The following SPECC1 variants were observed in gnomAD, a reference collection of about 807,000 sequenced individuals.
The protein encoded by SPECC1 is sperm antigen with calponin homology and coiled-coil domains 1.
In SPECC1, 62 loss-of-function variants were observed where a neutral mutation model predicts 104.1. That is an observed-to-expected ratio of 0.60 (90% CI 0.49 to 0.74). SPECC1 has a LOEUF of 0.74. Ranked by LOEUF, SPECC1 falls within the 30% of genes least tolerant of loss-of-function variation. The probability of loss-of-function intolerance (pLI) is 0.00; values close to 1 mark genes in which losing one functional copy is unlikely to be tolerated. For synonymous variants in SPECC1, 513 were observed against 501.6 expected (o/e 1.02, Z -0.30); for missense variants, 1,306 against 1,310.5 (o/e 1.00, Z 0.05).
chr17:20,099,753 G>C (rs751340626), intron 2 of SPECC1, among the ~76,000 whole-genome samples: 1 of 140,864 alleles, frequency 7.1e-6, no homozygotes, highest in Non-Finnish European at 1.5e-5. Context: ...GCCGGAAGAA[G>C]CATAGGAATG....
intron 2 of SPECC1, among the ~76,000 whole-genome samples, chr17:20,103,647 TC>T (rs34416922): frequency 3.3e-5 from 5 of 152,104 alleles, no homozygotes. Context: ...CTGCCGATCT[TC>T]CCTTCCCTCT....
chr17:20,201,414 AGAG>A (rs1244702063), intron 3 of SPECC1, among the ~76,000 whole-genome samples: 1 of 152,160 alleles, frequency 6.6e-6, no homozygotes, highest in Admixed American at 6.5e-5. Context: ...CTTTGGAGGC[AGAG>A]GTTGCAGTGA....
At position 20,253,602 on chromosome 17, in the gene SPECC1, A is replaced by G. The variant is rs1423862313; in HGVS notation, c.2680+16A>G. Reference sequence around the variant, plus strand: ...CCCCTCTCAGGTAAATTATGTCAACATAAAGAACTTTTGACTTATCTTTCC... The same window carrying G: ...CCCCTCTCAGGTAAATTATGTCAACGTAAAGAACTTTTGACTTATCTTTCC... On this transcript the variant is annotated intron_variant, in intron 10 of 14. Coordinates refer to ENST00000395527, the MANE Select transcript of SPECC1 (RefSeq NM_001243439.2). 1.9e-6 allele frequency: 3 copies of G among 1,612,734 alleles called. No homozygotes were observed. The highest frequency in any genetic ancestry group is 1.7e-5 in the Admixed American group (1 of 59,930).
chr17:20,262,280 C>T (rs1419756630), intron 12 of SPECC1, among the ~76,000 whole-genome samples: 2 of 152,140 alleles, frequency 1.3e-5, no homozygotes, highest in African/African-American at 4.8e-5. Flanking sequence ...GTGCGTATTT[C>T]CTGAAAAACA....
At chr17:20,113,402 C>A (rs1319949003) in intron 3 of SPECC1, among the ~76,000 whole-genome samples, 1 of 151,912 alleles carries the variant, frequency 6.6e-6, no homozygotes, top group Non-Finnish European at 1.5e-5. Context: ...ATACTAGATG[C>A]AGTATGGATA....
chr17:20,172,172 C>T (rs1009417928), intron 3 of SPECC1, among the ~76,000 whole-genome samples: 6 of 152,122 alleles, frequency 3.9e-5, no homozygotes, highest in Non-Finnish European at 8.8e-5. Context: ...GTGTGTGGGC[C>T]TCCTTTCTGT....
At chr17:20,137,784 G>GC (rs2030194120) in intron 3 of SPECC1, among the ~76,000 whole-genome samples, 1 of 151,752 alleles carries the variant, frequency 6.6e-6, no homozygotes, top group African/African-American at 2.4e-5. Context: ...TCATACCTCA[G>GC]CCTCCTGAGT....
intron 3 of SPECC1, among the ~76,000 whole-genome samples, chr17:20,176,066 C>T (rs2034452725): frequency 1.3e-5 from 2 of 152,158 alleles, no homozygotes. Flanking sequence ...TTTCTTCATG[C>T]TTTCTGGAGC....
At chr17:20,215,121 C>T (rs541286842) in intron 4 of SPECC1, among the ~76,000 whole-genome samples, 13 of 152,244 alleles carry the variant, frequency 8.5e-5, no homozygotes, top group Non-Finnish European at 1.8e-4. Flanking sequence ...AAGAGTCCTC[C>T]AAGGCCGGGG....
At chr17:20,055,179 C>T (rs945015535) in intron 1 of SPECC1, among the ~76,000 whole-genome samples, 3 of 151,968 alleles carry the variant, frequency 2.0e-5, no homozygotes, top group African/African-American at 7.2e-5. Context: ...TGGAGTCGTG[C>T]AGTATTTGTC....
intron 1 of SPECC1, among the ~76,000 whole-genome samples, chr17:20,089,650 A>G (rs1040909177): frequency 6.6e-6 from 1 of 152,144 alleles, no homozygotes; most frequent in Non-Finnish European, 1.5e-5. Flanking sequence ...AGTAAATAAG[A>G]TAAAATGCAG....
At chr17:20,105,414 A>T (rs2048150112) in intron 2 of SPECC1, among the ~76,000 whole-genome samples, 1 of 152,178 alleles carries the variant, frequency 6.6e-6, no homozygotes. Flanking sequence ...TCATATAGGT[A>T]GGAAGAAGGA....
chr17:20,178,095 A>G (rs2034601310), intron 3 of SPECC1, among the ~76,000 whole-genome samples: 1 of 151,768 alleles, frequency 6.6e-6, no homozygotes, highest in Admixed American at 6.6e-5. Flanking sequence ...ATCACTGCTC[A>G]CTGCAGCCTT....
chr17:20,291,356 A>G (rs1394310318), intron 12 of SPECC1, among the ~76,000 whole-genome samples: 1 of 152,192 alleles, frequency 6.6e-6, no homozygotes, highest in Non-Finnish European at 1.5e-5. Flanking sequence ...TGCAAATGGG[A>G]CATGTGCTTC....
intron 3 of SPECC1, among the ~76,000 whole-genome samples, chr17:20,122,660 G>A (rs1403853136): frequency 6.6e-6 from 1 of 151,950 alleles, no homozygotes; most frequent in Non-Finnish European, 1.5e-5. Flanking sequence ...TCAGCTCCCG[G>A]CAAGCACCAT....
chr17:20,067,918 G>T (rs2046415192), intron 1 of SPECC1, among the ~76,000 whole-genome samples: 1 of 151,932 alleles, frequency 6.6e-6, no homozygotes, highest in African/African-American at 2.4e-5. Flanking sequence ...CTGTTTGTGT[G>T]AATTCCCCTC....
rs147481563 is a variant in SPECC1, at chr17:20,097,507, G to A, written c.147+709G>A. Among the ~76,000 whole-genome samples, 260 of 152,326 alleles carry A rather than the reference G, an allele frequency of 1.7e-3. 2 individuals are homozygous for A. Among genetic ancestry groups the A allele is most frequent in the Non-Finnish European group, 2.1e-3 (146 of 68,028 alleles). On this transcript the variant is annotated intron_variant, in intron 2 of 14. Transcript: ENST00000395527. ...AGATGCTCCTTAAAGCACCACGGGCGTGACAGCTACAATGCAGATGGATTT... is the reference window on the plus strand; with the variant it reads ...AGATGCTCCTTAAAGCACCACGGGCATGACAGCTACAATGCAGATGGATTT...
intron 1 of SPECC1, among the ~76,000 whole-genome samples, chr17:20,068,251 A>G (rs4267380): frequency 0.52 from 79,557 of 152,056 alleles, 21,296 homozygotes; most frequent in Middle Eastern, 0.62. Context: ...ATGAGCTACC[A>G]TGCCCAGCCT....
At chr17:20,065,391 A>G (rs2046323779) in intron 1 of SPECC1, among the ~76,000 whole-genome samples, 1 of 103,308 alleles carries the variant, frequency 9.7e-6, no homozygotes, top group South Asian at 2.5e-4. Context: ...GGTTCCCATG[A>G]CTCCTCTGGG....
Sources: gnomAD v4.1 joint callset for allele counts (sites outside exome capture counted in the v4.1 genomes callset) on GRCh38, gnomAD v4.1.1 for gene constraint, MANE v1.5 for transcripts, NCBI Gene and HGNC (gene_info 2026-07-23, HGNC 2026-07-21) for gene names.